ZFYVE9: variants seen among roughly 807,000 people sequenced by gnomAD.
ZFYVE9 encodes zinc finger FYVE-type containing 9.
Under a neutral mutation model 126.7 loss-of-function variants are expected in ZFYVE9, and 43 were observed. That is an observed-to-expected ratio of 0.34 (90% CI 0.27 to 0.44). The LOEUF (loss-of-function observed/expected upper bound fraction) is 0.44. ZFYVE9 is among the 20% of genes least tolerant of loss of function. ZFYVE9 has a pLI of 1.00. For synonymous variants in ZFYVE9, 521 were observed against 597.4 expected (o/e 0.87, Z 1.87); for missense variants, 1,476 against 1,697.0 (o/e 0.87, Z 2.29).
intron 2 of ZFYVE9, among the ~76,000 whole-genome samples, chr1:52,220,443 G>T (rs1251310598): frequency 1.3e-5 from 2 of 152,228 alleles, no homozygotes; most frequent in Non-Finnish European, 2.9e-5. Flanking sequence ...ACTATGACTA[G>T]TAAATACTTG....
At chr1:52,219,747 TTTTG>T (rs1336013357) in intron 2 of ZFYVE9, among the ~76,000 whole-genome samples, 31 of 124,928 alleles carry the variant, frequency 2.5e-4, no homozygotes, top group African/African-American at 3.5e-4. Context: ...GGCCAAGATC[TTTTG>T]TGTGTGTGTG....
chr1:52,205,839 A>G (rs1644973459), intron 1 of ZFYVE9, among the ~76,000 whole-genome samples: 1 of 152,182 alleles, frequency 6.6e-6, no homozygotes, highest in Non-Finnish European at 1.5e-5. Context: ...GTGGTATACA[A>G]ATTATATCTC....
At chr1:52,154,573 A>G (rs1190014405) in intron 1 of ZFYVE9, among the ~76,000 whole-genome samples, 2 of 152,104 alleles carry the variant, frequency 1.3e-5, no homozygotes, top group East Asian at 3.9e-4. Context: ...ACATGAAACA[A>G]AGATTTTCAT....
At chr1:52,298,085 C>T (rs576858677) in intron 12 of ZFYVE9, among the ~76,000 whole-genome samples, 1 of 152,136 alleles carries the variant, frequency 6.6e-6, no homozygotes, top group Non-Finnish European at 1.5e-5. Flanking sequence ...CAGATATTTT[C>T]CATTTCTGTA....
chr1:52,244,863 T>TA (rs1192629691), intron 4 of ZFYVE9, among the ~76,000 whole-genome samples: 6 of 152,156 alleles, frequency 3.9e-5, no homozygotes, highest in African/African-American at 1.2e-4. Flanking sequence ...TAAAACAATT[T>TA]AAAAAAACTT....
At chr1:52,174,475 A>G (rs1481017864) in intron 1 of ZFYVE9, among the ~76,000 whole-genome samples, 1 of 152,186 alleles carries the variant, frequency 6.6e-6, no homozygotes, top group Non-Finnish European at 1.5e-5. Flanking sequence ...AATAATGTAT[A>G]TTCTGTTGAT....
At chr1:52,274,346 C>T in intron 7 of ZFYVE9, 118 bp from the exon 8 acceptor site, 9 of 1,264,848 alleles carry the variant, frequency 7.1e-6, no homozygotes, top group Non-Finnish European at 9.7e-6. Context: ...TTTTGTGCTA[C>T]CTTTCAAAAA....
chr1:52,187,273 A>G (rs933413481), intron 1 of ZFYVE9, among the ~76,000 whole-genome samples: 1 of 152,206 alleles, frequency 6.6e-6, no homozygotes, highest in Non-Finnish European at 1.5e-5. Flanking sequence ...TATGCAGAAG[A>G]TTGAAGCTGG....
intron 1 of ZFYVE9, among the ~76,000 whole-genome samples, chr1:52,199,835 A>C (rs1172876791): frequency 6.6e-6 from 1 of 152,186 alleles, no homozygotes; most frequent in Admixed American, 6.5e-5. Flanking sequence ...CATCCTCTCT[A>C]GCATTTGGTG....
intron 1 of ZFYVE9, among the ~76,000 whole-genome samples, chr1:52,213,625 C>T (rs1645046841): frequency 6.6e-6 from 1 of 151,942 alleles, no homozygotes; most frequent in Non-Finnish European, 1.5e-5. Flanking sequence ...GCACTCCAGC[C>T]TGGCGACAGA....
chr1:52,296,877 G>A (rs916323696), intron 12 of ZFYVE9, among the ~76,000 whole-genome samples: 5 of 152,014 alleles, frequency 3.3e-5, no homozygotes, highest in Non-Finnish European at 7.4e-5. Context: ...GCAGTGGCAC[G>A]ATCTCAGCTC....
intron 1 of ZFYVE9, chr1:52,160,750 G>A (rs1218330861): frequency 1.6e-5 from 6 of 385,050 alleles, no homozygotes; most frequent in Non-Finnish European, 2.8e-5. Context: ...GATTCTTTAT[G>A]AATAAAAACC....
intron 4 of ZFYVE9, chr1:52,254,049 C>T (rs1355519966): frequency 5.3e-6 from 4 of 754,372 alleles, no homozygotes; most frequent in Non-Finnish European, 9.4e-6. Flanking sequence ...CTGTTCTAGC[C>T]AGTCATCAAA....
intron 2 of ZFYVE9, among the ~76,000 whole-genome samples, chr1:52,228,433 T>C (rs1645189114): frequency 6.6e-6 from 1 of 152,200 alleles, no homozygotes; most frequent in African/African-American, 2.4e-5. Flanking sequence ...CAGTGTGCCC[T>C]TTTTTCTTTT....
chr1:52,149,053 C>T (rs923300813), intron 1 of ZFYVE9, among the ~76,000 whole-genome samples: 2 of 144,306 alleles, frequency 1.4e-5, no homozygotes, highest in Admixed American at 1.5e-4. Flanking sequence ...TAACCTCCAC[C>T]TCCCAGTTCA....
intron 13 of ZFYVE9, among the ~76,000 whole-genome samples, chr1:52,320,219 T>TGC (rs1646226468): frequency 6.6e-6 from 1 of 151,736 alleles, no homozygotes; most frequent in African/African-American, 2.4e-5. Flanking sequence ...TACAGGCACA[T>TGC]GCCACCACGC....
chr1:52,200,641 AT>A (rs1169696065), intron 1 of ZFYVE9, among the ~76,000 whole-genome samples: 1 of 152,106 alleles, frequency 6.6e-6, no homozygotes, highest in Non-Finnish European at 1.5e-5. Flanking sequence ...TGTGTTTTAT[AT>A]TTAGTTTTCT....
chr1:52,314,414 A>T (rs1294266187), intron 13 of ZFYVE9, among the ~76,000 whole-genome samples: 1 of 152,186 alleles, frequency 6.6e-6, no homozygotes, highest in African/African-American at 2.4e-5. Context: ...GGGCGCAGTG[A>T]CTCACACCCA....
In ZFYVE9 at chr1:52,179,838, G is replaced by T. The variant is rs938184904; in HGVS notation, c.-142-36531G>T. ...GGGGCACAGCTGGCTTCAGCAATTG[G>T]AAACAAGATGCAGGACCCCAACGCA... On this transcript the variant is annotated intron_variant, in intron 1 of 18. Transcript: ENST00000287727. 19 of 645,924 alleles carry T rather than the reference G, an allele frequency of 2.9e-5. No homozygotes were observed. In the Admixed American group the frequency reaches 3.8e-4, roughly 13 times the overall value. 40.0% of individuals were successfully genotyped at this position (645,924 alleles called of 1,614,324 possible). A position where few individuals can be genotyped will look rare whatever the true frequency, so the allele number is the denominator to read the frequency against.
Sources: gnomAD v4.1 joint callset for allele counts (sites outside exome capture counted in the v4.1 genomes callset) on GRCh38, gnomAD v4.1.1 for gene constraint, MANE v1.5 for transcripts, NCBI Gene and HGNC (gene_info 2026-07-23, HGNC 2026-07-21) for gene names.